The following KIF27 variants were observed in gnomAD, a reference collection of about 807,000 sequenced individuals.
The protein encoded by KIF27 is kinesin family member 27.
Under a neutral mutation model 141.8 loss-of-function variants are expected in KIF27, and 84 were observed. The observed-to-expected ratio is 0.59, with a 90% confidence interval of 0.50 to 0.71. The LOEUF is 0.71. Ranked by LOEUF, KIF27 falls within the 30% of genes least tolerant of loss-of-function variation. KIF27 has a pLI of 0.00. For synonymous variants in KIF27, 471 were observed against 569.5 expected, an observed-to-expected ratio of 0.83 and a Z score of 2.46; for missense variants, 1,306 against 1,628.4, an observed-to-expected ratio of 0.80 and a Z score of 3.41.
rs776517224 is a variant in KIF27, at chr9:83,903,475, T to G, written c.1043A>C (p.Asn348Thr). 6.2e-7 allele frequency: 1 copy of G among 1,614,080 alleles called. No individual in the cohort carries two copies. The highest frequency in any genetic ancestry group is 1.1e-5 in the South Asian group (1 of 91,068). The change falls in exon 4 of 18, where the codon AAC (asparagine) becomes ACC (threonine). Residue 348 changes from asparagine to threonine, a missense_variant. Around this residue, in one of 4 missense-constraint regions of KIF27, gnomAD observed 533 missense variants for 565.6 expected, o/e 0.94. Transcript: ENST00000297814. The part of the protein sequence containing the change: ...ARNIRNKPTV[N>T]FSPESDRIDE... ...TATACGGTCTGACTCGGGGCTGAAGTTTACAGTGGGTTTGTTTCTAATGTT... is the reference window on the plus strand; with the variant it reads ...TATACGGTCTGACTCGGGGCTGAAGGTTACAGTGGGTTTGTTTCTAATGTT...
At chr9:83,848,450 GTATA>G (rs1156842250) in intron 16 of KIF27, among the ~76,000 whole-genome samples, 1,496 of 137,582 alleles carry the variant, frequency 0.011, 27 homozygotes, top group African/African-American at 0.037. Flanking sequence ...TATGCTATAT[GTATA>G]TATCTATATC....
chr9:83,918,007 C>T (rs1955864296), intron 1 of KIF27, among the ~76,000 whole-genome samples: 2 of 151,884 alleles, frequency 1.3e-5, no homozygotes, highest in African/African-American at 4.8e-5. Context: ...ATGATTTTGT[C>T]AAACAAAAAT....
chr9:83,897,333 T>C lies in KIF27; in HGVS notation c.1602+2328A>G, dbSNP rs185441597. 1.8e-3 allele frequency among the ~76,000 whole-genome samples: 268 copies of C among 152,270 alleles called. 1 individual carries two copies. Among genetic ancestry groups the C allele is most frequent in the Non-Finnish European group, 2.9e-3 (198 of 67,984 alleles). On this transcript the variant is annotated intron_variant, in intron 5 of 17. Transcript: ENST00000297814. ...AGATTCATGCACAAATGGACCTTGATTTATGATAAAGATAGCACTCAAAAC... is the reference window on the plus strand; with the variant it reads ...AGATTCATGCACAAATGGACCTTGACTTATGATAAAGATAGCACTCAAAAC...
intron 1 of KIF27, among the ~76,000 whole-genome samples, chr9:83,916,133 G>A (rs2132818853): frequency 6.6e-6 from 1 of 152,020 alleles, no homozygotes; most frequent in African/African-American, 2.4e-5. Context: ...CCAGGTTCAA[G>A]TGATTCTCCT....
intron 3 of KIF27, among the ~76,000 whole-genome samples, 172 bp from the exon 4 acceptor site, chr9:83,904,190 C>A (rs1032833586): frequency 6.6e-6 from 1 of 152,164 alleles, no homozygotes; most frequent in African/African-American, 2.4e-5. Flanking sequence ...TTTGGATAAT[C>A]TCCCAAAGAA....
At chr9:83,889,551 T>C (rs988922278) in intron 6 of KIF27, among the ~76,000 whole-genome samples, 4 of 151,726 alleles carry the variant, frequency 2.6e-5, no homozygotes, top group African/African-American at 7.3e-5. Context: ...ATGGAAAACA[T>C]CCTAGCTCTT....
chr9:83,870,537 T>C lies in KIF27; in HGVS notation c.2739A>G (p.Gly913=), dbSNP rs775746517. ...CNLKRRKGSF[G]SIDHLQKLDE... ...GACAAACCTGGAGATGGTCTATACT[T>C]CCAAACGAACCTTTTCTCCTTTTCA... Residue 913 remains glycine, a synonymous_variant, in exon 12 of 18, where the codon GGA becomes GGG. Coordinates refer to ENST00000297814, the MANE Select transcript of KIF27 (RefSeq NM_017576.4). 2 of 1,613,774 alleles carry C rather than the reference T, an allele frequency of 1.2e-6. No individual in the cohort carries two copies. Among genetic ancestry groups the C allele is most frequent in the Non-Finnish European group, 1.7e-6 (2 of 1,179,780 alleles).
chr9:83,864,223 A>T (rs1254032917), intron 13 of KIF27, among the ~76,000 whole-genome samples: 1 of 152,058 alleles, frequency 6.6e-6, no homozygotes, highest in African/African-American at 2.4e-5. Context: ...TAGCTTTTGA[A>T]TGTGTTTGCT....
At chr9:83,894,860 T>C (rs1004958588) in intron 5 of KIF27, among the ~76,000 whole-genome samples, 1 of 152,150 alleles carries the variant, frequency 6.6e-6, no homozygotes, top group African/African-American at 2.4e-5. Flanking sequence ...TCATCCAATC[T>C]GAGGGTGGTT....
chr9:83,899,902 G>A, intron 4 of KIF27, 98 bp from the exon 5 acceptor site: 2 of 973,988 alleles, frequency 2.1e-6, no homozygotes, highest in South Asian at 2.5e-5. Flanking sequence ...ATAGCTTGAT[G>A]ATGTCTCATA....
In KIF27 at chr9:83,883,925, G is replaced by T. The variant is rs551413413; in HGVS notation, c.2333C>A (p.Thr778Lys). The T allele has an allele frequency of 3.1e-6, 5 of 1,613,272 alleles. No individual in the cohort carries two copies. The highest frequency in any genetic ancestry group is 1.6e-4 in the Middle Eastern group (1 of 6,076). ...TTCCAGCTCCTGTAGCTGCTTTTGT[G>T]TTTCAATCAGTTCGACTTTTGCCTG... The part of the protein sequence containing the change: ...AEQAKVELIE[T>K]QKQLQELENK... Residue 778 changes from threonine to lysine, a missense_variant, in exon 10 of 18, where the codon ACA becomes AAA. Physicochemically the swap from Thr to Lys is moderately conservative, Grantham distance 78. Around this residue, in one of 4 missense-constraint regions of KIF27, gnomAD observed 596 missense variants for 751.6 expected, o/e 0.79. Coordinates refer to ENST00000297814, the MANE Select transcript of KIF27 (RefSeq NM_017576.4).
At chr9:83,866,973 C>T (rs1337314107) in intron 13 of KIF27, among the ~76,000 whole-genome samples, 1 of 146,102 alleles carries the variant, frequency 6.8e-6, no homozygotes. Context: ...AAAGAAACCC[C>T]ACACCTATTA....
At chr9:83,854,805 C>T (rs1020588055) in intron 14 of KIF27, among the ~76,000 whole-genome samples, 5 of 152,150 alleles carry the variant, frequency 3.3e-5, no homozygotes, top group African/African-American at 1.2e-4. Flanking sequence ...TTTCCATATA[C>T]CCATACCTAT....
At position 83,859,428 on chromosome 9, in the gene KIF27, A is replaced by G. The variant is rs561646923; in HGVS notation, c.2935-57T>C. Reference sequence around the variant, plus strand: ...AACAGTTACTAGAAATCTAGACTGCATAAAAATTAGGAAAAACATAGAGAA... The same window carrying G: ...AACAGTTACTAGAAATCTAGACTGCGTAAAAATTAGGAAAAACATAGAGAA... On this transcript the variant is annotated intron_variant, in intron 13 of 17. Coordinates refer to ENST00000297814, the MANE Select transcript of KIF27 (RefSeq NM_017576.4). 3.1e-4 allele frequency: 372 copies of G among 1,197,424 alleles called. 2 individuals carry two copies. Among genetic ancestry groups the G allele is most frequent in the Middle Eastern group, 1.6e-3 (8 of 5,144 alleles). 74.2% of individuals were successfully genotyped at this position (1,197,424 alleles called of 1,614,324 possible).
chr9:83,899,562 T>C (rs1446502923), intron 5 of KIF27, 99 bp downstream of exon 5: 1 of 881,490 alleles, frequency 1.1e-6, no homozygotes, highest in East Asian at 2.5e-5. Flanking sequence ...CAAATGAACA[T>C]CCTTTTTTTA....
At chr9:83,901,927 A>T (rs192379518) in intron 4 of KIF27, among the ~76,000 whole-genome samples, 35 of 152,242 alleles carry the variant, frequency 2.3e-4, no homozygotes, top group Admixed American at 2.3e-3. Flanking sequence ...TTATATTAAC[A>T]TGGAATTGGG....
intron 3 of KIF27, among the ~76,000 whole-genome samples, chr9:83,905,492 T>G (rs77362520): frequency 1.3e-5 from 2 of 152,238 alleles, no homozygotes; most frequent in African/African-American, 4.8e-5. Context: ...CCTGATTTCA[T>G]GCTCAAATTA....
chr9:83,875,599 T>C (rs559537798), intron 11 of KIF27, among the ~76,000 whole-genome samples: 24 of 152,172 alleles, frequency 1.6e-4, no homozygotes, highest in African/African-American at 5.8e-4. Flanking sequence ...GGAACTCCCA[T>C]ATTTAAAAGG....
rs1445121618 is a variant in KIF27 at position 83,870,613 on chromosome 9, C to T, written c.2663G>A (p.Gly888Glu). Residue 888 changes from glycine to glutamate, a missense_variant, in exon 12 of 18, where the codon GGA becomes GAA. Transcript: ENST00000297814. ...QKIKEIQLKTGQEEGLKPKAE... is the reference protein window; with the variant it reads ...QKIKEIQLKTEQEEGLKPKAE... ...TTTCGGTTTTAGACCTTCTTCCTGT[C>T]CTGTTTTTAATTGTATTTCCTATAG... 6.2e-7 allele frequency: 1 copy of T among 1,613,644 alleles called. No individual in the cohort carries two copies. Among genetic ancestry groups the T allele is most frequent in the Admixed American group, 1.7e-5 (1 of 59,972 alleles).
Sources: allele counts gnomAD v4.1 joint callset (sites outside exome capture counted in the v4.1 genomes callset), GRCh38; gene constraint gnomAD v4.1.1; regional missense constraint gnomAD v4.1.1; transcripts MANE v1.5; gene names NCBI Gene and HGNC (gene_info 2026-07-23, HGNC 2026-07-21).